The following EYA4 variants were observed in gnomAD, a reference collection of about 807,000 sequenced individuals.
EYA4 encodes the protein protein phosphatase EYA4.
Under a neutral mutation model 87.9 loss-of-function variants are expected in EYA4, and 31 were observed. The ratio of observed to expected loss-of-function variants is 0.35; its 90% CI spans 0.27 to 0.48. The LOEUF (loss-of-function observed/expected upper bound fraction) is 0.48, where lower values mean the gene tolerates loss of function less well. Among genes scored for constraint, EYA4 ranks in the 20% least tolerant of loss-of-function variants. EYA4 has a pLI of 0.99. For synonymous variants in EYA4, 263 were observed against 270.6 expected, an observed-to-expected ratio of 0.97 and a Z score of 0.28; for missense variants, 678 against 761.4, an observed-to-expected ratio of 0.89 and a Z score of 1.29.
At chr6:133,290,697 G>C (rs1240659755) in intron 2 of EYA4, among the ~76,000 whole-genome samples, 1 of 152,150 alleles carries the variant, frequency 6.6e-6, no homozygotes, top group South Asian at 2.1e-4. Context: ...TAGGTGGTAG[G>C]ACCTTTAGAG....
intron 5 of EYA4, among the ~76,000 whole-genome samples, chr6:133,450,231 C>T (rs1234174630): frequency 4.6e-5 from 7 of 152,060 alleles, no homozygotes; most frequent in African/African-American, 1.2e-4. Context: ...GTGATCGGCC[C>T]GCCTCAGCCT....
chr6:133,312,618 C>G (rs1780316799), intron 2 of EYA4, among the ~76,000 whole-genome samples: 1 of 152,104 alleles, frequency 6.6e-6, no homozygotes, highest in Non-Finnish European at 1.5e-5. Flanking sequence ...TCAGATATTT[C>G]CTTGTATTCC....
intron 14 of EYA4, 124 bp downstream of exon 14, chr6:133,506,319 T>A: frequency 3.2e-6 from 2 of 629,450 alleles, no homozygotes; most frequent in Non-Finnish European, 2.8e-6. Context: ...AGCATAAAGT[T>A]CTTGTCAAGA....
intron 3 of EYA4, among the ~76,000 whole-genome samples, chr6:133,401,888 C>G (rs1478906392): frequency 1.3e-5 from 2 of 152,162 alleles, no homozygotes; most frequent in Admixed American, 6.5e-5. Flanking sequence ...ATACCTCTCT[C>G]TAATACCAGA....
chr6:133,332,711 ATTTTTTTTT>A (rs71003634), intron 2 of EYA4, among the ~76,000 whole-genome samples: 58,396 of 125,450 alleles, frequency 0.47, 12,327 homozygotes, highest in Middle Eastern at 0.54. Context: ...GCCCAGCTAA[ATTTTTTTTT>A]TTTTTTTTTT....
intron 13 of EYA4, among the ~76,000 whole-genome samples, chr6:133,498,768 C>G (rs1797851870): frequency 6.6e-6 from 1 of 152,058 alleles, no homozygotes. Flanking sequence ...GAAAATAAAG[C>G]CAAATCAAAG....
chr6:133,359,772 A>G (rs1208939968), intron 2 of EYA4, among the ~76,000 whole-genome samples: 1 of 152,212 alleles, frequency 6.6e-6, no homozygotes, highest in East Asian at 1.9e-4. Context: ...CTCTTATCCC[A>G]TTCTCTTAAG....
At chr6:133,431,656 A>G (rs1157345016) in intron 3 of EYA4, among the ~76,000 whole-genome samples, 1 of 152,214 alleles carries the variant, frequency 6.6e-6, no homozygotes, top group Non-Finnish European at 1.5e-5. Context: ...TTACCAGATT[A>G]TTGAGATCAG....
At chr6:133,507,532 C>T (rs113298704) in intron 14 of EYA4, among the ~76,000 whole-genome samples, 6,213 of 152,196 alleles carry the variant, frequency 0.041, 449 homozygotes, top group African/African-American at 0.14. Context: ...CCTAGCCCTC[C>T]ACCCCATCAC....
At chr6:133,439,961 G>T (rs1792107973) in intron 3 of EYA4, among the ~76,000 whole-genome samples, 1 of 152,100 alleles carries the variant, frequency 6.6e-6, no homozygotes, top group Non-Finnish European at 1.5e-5. Context: ...GAATGTGCAG[G>T]GTTTGGACGA....
At chr6:133,371,112 A>G (rs1341614116) in intron 2 of EYA4, among the ~76,000 whole-genome samples, 1 of 152,200 alleles carries the variant, frequency 6.6e-6, no homozygotes, top group Non-Finnish European at 1.5e-5. Flanking sequence ...TCAAAATAAT[A>G]ACAGCATTTG....
intron 2 of EYA4, among the ~76,000 whole-genome samples, chr6:133,371,624 G>T (rs924440875): frequency 1.2e-4 from 18 of 152,076 alleles, no homozygotes; most frequent in Admixed American, 9.8e-4. Flanking sequence ...TCTTCTCCAA[G>T]TTCCTTATAA....
chr6:133,505,517 T>C (rs1242638660), intron 13 of EYA4, among the ~76,000 whole-genome samples: 3 of 152,176 alleles, frequency 2.0e-5, no homozygotes, highest in African/African-American at 7.2e-5. Context: ...GACCAAACTC[T>C]ACACATGTTT....
chr6:133,363,880 C>G (rs1037844678), intron 2 of EYA4, among the ~76,000 whole-genome samples: 2 of 152,176 alleles, frequency 1.3e-5, no homozygotes, highest in African/African-American at 4.8e-5. Flanking sequence ...ATGGAAATGG[C>G]AAATTTAGGA....
Position 133,531,073 on chromosome 6 carries a change from A to G in EYA4, c.*2268A>G. 7.1e-7 allele frequency: 1 copy of G among 1,410,080 alleles called. No homozygotes were observed. The highest frequency in any genetic ancestry group is 9.2e-7 in the Non-Finnish European group (1 of 1,084,738). The allele number at this position is 1,410,080 out of a possible 1,614,324, so 87.3% of individuals were successfully genotyped here. A position where few individuals can be genotyped will look rare whatever the true frequency, so the allele number is the denominator to read the frequency against. ...AAATTTGTAAGTCTTTTCATATCAA[A>G]CAAGCAAGGCTTTTTATGCTGCTAA... On this transcript the variant is annotated 3_prime_UTR_variant, in exon 20 of 20. Transcript: ENST00000355286.
chr6:133,371,464 G>C (rs1051215009), intron 2 of EYA4, among the ~76,000 whole-genome samples: 1 of 152,080 alleles, frequency 6.6e-6, no homozygotes, highest in Non-Finnish European at 1.5e-5. Context: ...TTTTCTAACC[G>C]AAAGTTCACT....
At chr6:133,242,951 G>A (rs1000456336) in intron 1 of EYA4, among the ~76,000 whole-genome samples, 5 of 152,154 alleles carry the variant, frequency 3.3e-5, no homozygotes, top group African/African-American at 1.2e-4. Flanking sequence ...CATCCCGAGC[G>A]GGCCTAGAGA....
chr6:133,365,224 T>C (rs1054738056), intron 2 of EYA4, among the ~76,000 whole-genome samples: 1 of 152,180 alleles, frequency 6.6e-6, no homozygotes, highest in Non-Finnish European at 1.5e-5. Flanking sequence ...AAACCTTGTA[T>C]CCTTGAGTCT....
At chr6:133,322,311 G>A (rs888855699) in intron 2 of EYA4, among the ~76,000 whole-genome samples, 1 of 152,196 alleles carries the variant, frequency 6.6e-6, no homozygotes. Context: ...TGTAGTCGTT[G>A]TGCTATAAAA....
Sources: allele counts gnomAD v4.1 joint callset (sites outside exome capture counted in the v4.1 genomes callset), GRCh38; gene constraint gnomAD v4.1.1; transcripts MANE v1.5; gene names NCBI Gene and HGNC (gene_info 2026-07-23, HGNC 2026-07-21).